Variants in PRDM6 observed in about 807,000 individuals in gnomAD.
PRDM6 encodes the protein PR/SET domain 6, also known as putative histone-lysine N-methyltransferase PRDM6.
PRDM6 carries 25 observed loss-of-function variants against 60.8 expected under a neutral mutation model. The ratio of observed to expected loss-of-function variants is 0.41; its 90% confidence interval spans 0.30 to 0.57. The LOEUF (loss-of-function observed/expected upper bound fraction) is 0.57. PRDM6 is among the 20% of genes least tolerant of loss of function. PRDM6 has a pLI of 0.27. For synonymous variants in PRDM6, 407 were observed against 357.4 expected (o/e 1.14, Z -1.57); for missense variants, 839 against 821.3 (o/e 1.02, Z -0.26).
At chr5:123,164,548 C>G (rs1361131292) in intron 5 of PRDM6, among the ~76,000 whole-genome samples, 1 of 152,162 alleles carries the variant, frequency 6.6e-6, no homozygotes, top group Non-Finnish European at 1.5e-5. Context: ...TGGTCTAGAG[C>G]TGTTGAAACC....
At chr5:123,127,733 C>CTTTCTTTCTTTCTTTCTTTCT (rs1561833658) in intron 3 of PRDM6, among the ~76,000 whole-genome samples, 1 of 140,620 alleles carries the variant, frequency 7.1e-6, no homozygotes, top group Non-Finnish European at 1.6e-5. Context: ...TCTTTCTTTC[C>CTTTCTTTCTTTCTTTCTTTCT]TTCTTTCCTT....
In PRDM6 at chr5:123,110,801, G is replaced by A. The variant is rs112729505; in HGVS notation, c.900+10840G>A. 1.2e-3 allele frequency among the ~76,000 whole-genome samples: 186 copies of A among 152,146 alleles called. 1 individual carries two copies. Among genetic ancestry groups the A allele is most frequent in the African/African-American group, 4.3e-3 (180 of 41,488 alleles). On this transcript the variant is annotated intron_variant, in intron 3 of 7. Transcript: ENST00000407847. ...GGATGGTCTCGAACTCCCGACCTCAGTGATCTGCCCGCCTCGGCTTCCCAA... is the reference window on the plus strand; with the variant it reads ...GGATGGTCTCGAACTCCCGACCTCAATGATCTGCCCGCCTCGGCTTCCCAA...
chr5:123,142,199 G>T (rs1048715257), intron 3 of PRDM6, among the ~76,000 whole-genome samples: 1 of 151,996 alleles, frequency 6.6e-6, no homozygotes, highest in Non-Finnish European at 1.5e-5. Flanking sequence ...ATCCTTCTGG[G>T]TTCCAACAGT....
At chr5:123,164,867 G>A (rs1469070232) in intron 5 of PRDM6, among the ~76,000 whole-genome samples, 1 of 152,144 alleles carries the variant, frequency 6.6e-6, no homozygotes, top group South Asian at 2.1e-4. Flanking sequence ...GAACCACCTC[G>A]CCCTTGGTCA....
chr5:123,130,586 CAG>C (rs1185419279), intron 3 of PRDM6, among the ~76,000 whole-genome samples: 3 of 145,892 alleles, frequency 2.1e-5, no homozygotes, highest in Non-Finnish European at 3.0e-5. Context: ...TCTTTTGAGA[CAG>C]AGTTTCTTTC....
chr5:123,133,185 T>A (rs1218622620), intron 3 of PRDM6, among the ~76,000 whole-genome samples: 1 of 152,128 alleles, frequency 6.6e-6, no homozygotes, highest in Non-Finnish European at 1.5e-5. Flanking sequence ...ATACTGTTAG[T>A]TATCTCTGTC....
At chr5:123,176,363 A>G (rs1766011583) in intron 6 of PRDM6, among the ~76,000 whole-genome samples, 1 of 152,084 alleles carries the variant, frequency 6.6e-6, no homozygotes, top group African/African-American at 2.4e-5. Flanking sequence ...TGCTTTGAGA[A>G]GAGTGAAGTG....
intron 3 of PRDM6, among the ~76,000 whole-genome samples, chr5:123,111,676 C>T (rs1040337771): frequency 1.5e-5 from 2 of 137,686 alleles, no homozygotes; most frequent in African/African-American, 2.8e-5. Context: ...CCAGCAGGGG[C>T]GACAGAGCGA....
chr5:123,154,142 GAAAAAC>G (rs1018121254), intron 3 of PRDM6, among the ~76,000 whole-genome samples: 6 of 151,964 alleles, frequency 3.9e-5, no homozygotes, highest in Admixed American at 1.3e-4. Context: ...AGTTTTTTTA[GAAAAAC>G]AAAAACAAAA....
chr5:123,128,411 C>T (rs1184945529), intron 3 of PRDM6, among the ~76,000 whole-genome samples: 1 of 152,318 alleles, frequency 6.6e-6, no homozygotes, highest in Middle Eastern at 3.4e-3. Context: ...CCTATTTCTC[C>T]ACATCCTCTC....
At chr5:123,129,574 T>C (rs1764773025) in intron 3 of PRDM6, among the ~76,000 whole-genome samples, 1 of 152,202 alleles carries the variant, frequency 6.6e-6, no homozygotes, top group Non-Finnish European at 1.5e-5. Context: ...TATATCATTA[T>C]CATCAACTAT....
chr5:123,093,616 C>T (rs977559898), intron 2 of PRDM6, among the ~76,000 whole-genome samples: 4 of 152,166 alleles, frequency 2.6e-5, no homozygotes, highest in African/African-American at 9.7e-5. Flanking sequence ...AGTGGTGCCT[C>T]CTGCGATATA....
chr5:123,093,453 A>G (rs1201045417), intron 2 of PRDM6, among the ~76,000 whole-genome samples: 1 of 152,150 alleles, frequency 6.6e-6, no homozygotes, highest in East Asian at 1.9e-4. Context: ...GTTCTAAAAG[A>G]TTTTAAAACA....
intron 3 of PRDM6, among the ~76,000 whole-genome samples, chr5:123,154,609 C>G (rs752153): frequency 1.3e-5 from 2 of 152,144 alleles, no homozygotes; most frequent in Non-Finnish European, 2.9e-5. Flanking sequence ...CACCCCCTCC[C>G]CCGGAATAGA....
chr5:123,157,055 TC>T (rs1307513353), intron 4 of PRDM6, among the ~76,000 whole-genome samples: 1 of 150,534 alleles, frequency 6.6e-6, no homozygotes, highest in East Asian at 1.9e-4. Flanking sequence ...CTATTTATTT[TC>T]CTTTCCTTTT....
intron 6 of PRDM6, among the ~76,000 whole-genome samples, chr5:123,179,176 A>G (rs1042911813): frequency 6.6e-6 from 1 of 152,238 alleles, no homozygotes; most frequent in East Asian, 1.9e-4. Context: ...ATTTTAATCT[A>G]TTTTATGAAA....
intron 5 of PRDM6, among the ~76,000 whole-genome samples, chr5:123,166,597 G>A (rs1765758486): frequency 6.6e-6 from 1 of 152,192 alleles, no homozygotes; most frequent in Non-Finnish European, 1.5e-5. Context: ...CTTAATAACT[G>A]TCTTTCCCAC....
intron 3 of PRDM6, among the ~76,000 whole-genome samples, chr5:123,147,065 CTGTT>C (rs1765257346): frequency 6.6e-6 from 1 of 152,084 alleles, no homozygotes; most frequent in South Asian, 2.1e-4. Context: ...GAACGAATGT[CTGTT>C]TTTTTAATGT....
At chr5:123,167,940 G>A (rs149386238) in intron 5 of PRDM6, among the ~76,000 whole-genome samples, 2,361 of 152,186 alleles carry the variant, frequency 0.016, 25 homozygotes, top group South Asian at 0.033. Flanking sequence ...AACCTCGTGG[G>A]CTTCCCTGTG....
Sources: gnomAD v4.1 joint callset for allele counts (sites outside exome capture counted in the v4.1 genomes callset) on GRCh38, gnomAD v4.1.1 for gene constraint, MANE v1.5 for transcripts, NCBI Gene and HGNC (gene_info 2026-07-23, HGNC 2026-07-21) for gene names.